The following TPD52 variants were observed in gnomAD, a reference collection of about 807,000 sequenced individuals.
TPD52 encodes the protein tumor protein D52, also known as prostate and colon associated protein.
TPD52 carries 17 observed loss-of-function variants against 31.3 expected under a neutral mutation model. The observed-to-expected ratio is 0.54, with a 90% CI of 0.37 to 0.82. The LOEUF (loss-of-function observed/expected upper bound fraction) is 0.82. Ranked by LOEUF, TPD52 falls within the 40% of genes least tolerant of loss-of-function variation. The pLI is 0.00. For synonymous variants in TPD52, 83 were observed against 89.6 expected, an observed-to-expected ratio of 0.93 and a Z score of 0.42; for missense variants, 212 against 240.1, an observed-to-expected ratio of 0.88 and a Z score of 0.77.
At chr8:80,150,434 G>A (rs1033513786) in intron 1 of TPD52, among the ~76,000 whole-genome samples, 1 of 152,220 alleles carries the variant, frequency 6.6e-6, no homozygotes, top group Non-Finnish European at 1.5e-5. Flanking sequence ...TAGTGGAGCT[G>A]TGAGAAGAGG....
At chr8:80,103,575 G>A (rs1255788953) in intron 1 of TPD52, among the ~76,000 whole-genome samples, 1 of 152,142 alleles carries the variant, frequency 6.6e-6, no homozygotes, top group Non-Finnish European at 1.5e-5. Flanking sequence ...ACATGATAAT[G>A]ACCTCTGGGA....
At chr8:80,167,371 GCGTATT>G (rs1339011039) in intron 1 of TPD52, among the ~76,000 whole-genome samples, 4 of 152,228 alleles carry the variant, frequency 2.6e-5, no homozygotes, top group African/African-American at 9.6e-5. Flanking sequence ...CTGTGAGTGA[GCGTATT>G]TGTTTTTATT....
chr8:80,080,373 G>C (rs1815125123), intron 1 of TPD52: 1 of 1,614,172 alleles, frequency 6.2e-7, no homozygotes, highest in Admixed American at 1.7e-5. Context: ...GAGACAAGTA[G>C]AGATAGCTTT....
At chr8:80,079,553 C>T (rs898990253) in intron 1 of TPD52, among the ~76,000 whole-genome samples, 21 of 152,202 alleles carry the variant, frequency 1.4e-4, no homozygotes, top group African/African-American at 4.6e-4. Context: ...GTGACCTGTT[C>T]TTCATTAATA....
intron 1 of TPD52, among the ~76,000 whole-genome samples, chr8:80,140,186 G>T (rs919065): frequency 0.028 from 4,246 of 152,214 alleles, 205 homozygotes; most frequent in African/African-American, 0.097. Flanking sequence ...CCAAGTCCTG[G>T]GTTCTCCTGA....
intron 1 of TPD52, among the ~76,000 whole-genome samples, chr8:80,138,640 T>C (rs891780907): frequency 6.6e-6 from 1 of 152,210 alleles, no homozygotes; most frequent in African/African-American, 2.4e-5. Context: ...CTCTCAAATG[T>C]TGTAACCAGA....
chr8:80,052,166 G>C (rs116584418), intron 3 of TPD52, among the ~76,000 whole-genome samples: 1 of 152,102 alleles, frequency 6.6e-6, no homozygotes, highest in Non-Finnish European at 1.5e-5. Flanking sequence ...TACCAAATAC[G>C]GACATGATGG....
chr8:80,161,712 TTATATA>T lies in TPD52; in HGVS notation c.19+9707_19+9712del, dbSNP rs1319779195. 3.6e-3 allele frequency among the ~76,000 whole-genome samples: 508 copies of T among 140,600 alleles called. 4 individuals are homozygous for T. The highest frequency in any genetic ancestry group is 0.028 in the East Asian group (139 of 4,886). The allele number at this position is 140,600 out of a possible 152,430, so 92.2% of individuals were successfully genotyped here. The stretch of plus-strand genomic sequence containing the variant: ...TCCAAAACTTTTATCAAGAACACAT[TTATATA>T]TATATATATATATATTTTTTTTTTT... On this transcript the variant is annotated intron_variant, in intron 1 of 7. Transcript: ENST00000518937.
chr8:80,135,196 G>A (rs1045785565), intron 1 of TPD52, among the ~76,000 whole-genome samples: 1 of 152,212 alleles, frequency 6.6e-6, no homozygotes, highest in Non-Finnish European at 1.5e-5. Context: ...ATGTACACAC[G>A]GTTGTTGCCA....
At chr8:80,164,617 C>T (rs1207194590) in intron 1 of TPD52, among the ~76,000 whole-genome samples, 2 of 152,188 alleles carry the variant, frequency 1.3e-5, no homozygotes, top group Non-Finnish European at 2.9e-5. Flanking sequence ...GGTATGGTGG[C>T]CCACTCCTGT....
intron 1 of TPD52, among the ~76,000 whole-genome samples, chr8:80,162,610 A>G (rs926898405): frequency 2.0e-5 from 3 of 151,484 alleles, no homozygotes; most frequent in African/African-American, 7.3e-5. Context: ...ACAAAAGAGA[A>G]AGACTCAATC....
rs1465964502 is a variant in TPD52, at chr8:80,072,796, C to CATATATAT, written c.20-8204_20-8203insATATATAT. On this transcript the variant is annotated intron_variant, in intron 1 of 7. Transcript: ENST00000518937. Reference sequence around the variant, plus strand: ...ATATATATACACATACACACACACACACATATATATATATATATAAACTTG... The same window carrying CATATATAT: ...ATATATATACACATACACACACACACATATATATACATATATATATATATATAAACTTG... 3.5e-5 allele frequency among the ~76,000 whole-genome samples: 5 copies of CATATATAT among 142,204 alleles called. 1 individual carries two copies. The highest frequency in any genetic ancestry group is 2.2e-4 in the South Asian group (1 of 4,648). The allele number at this position is 142,204 out of a possible 152,430, so 93.3% of individuals were successfully genotyped here.
intron 1 of TPD52, among the ~76,000 whole-genome samples, chr8:80,126,658 T>C (rs1397748013): frequency 6.6e-6 from 1 of 151,924 alleles, no homozygotes; most frequent in Admixed American, 6.6e-5. Flanking sequence ...ATTTTTGTAT[T>C]TTTTGGTAAA....
intron 1 of TPD52, among the ~76,000 whole-genome samples, chr8:80,136,133 A>G (rs1340476116): frequency 2.0e-5 from 3 of 148,684 alleles, no homozygotes; most frequent in Admixed American, 2.0e-4. Flanking sequence ...AAAGTATAAT[A>G]AAAAATAAAT....
chr8:80,132,303 A>G lies in TPD52; in HGVS notation c.19+39122T>C, dbSNP rs567285813. 3.3e-5 allele frequency among the ~76,000 whole-genome samples: 5 copies of G among 152,256 alleles called. No individual in the cohort carries two copies. In the South Asian group the frequency reaches 6.2e-4, roughly 19 times the overall value. The stretch of plus-strand genomic sequence containing the variant: ...TCCCTCCTCCACACCAACATAATAC[A>G]AAGGCTGGTGGCCCCAGAGAACAGC... On this transcript the variant is annotated intron_variant, in intron 1 of 7. Coordinates refer to ENST00000518937, the MANE Select transcript of TPD52 (RefSeq NM_001025253.3).
intron 1 of TPD52, chr8:80,119,764 C>T (rs920708104): frequency 1.5e-5 from 5 of 334,522 alleles, no homozygotes; most frequent in East Asian, 1.9e-4. Flanking sequence ...TGAAACAAGT[C>T]CAGAAATAGA....
At chr8:80,122,131 T>G (rs1438749189) in intron 1 of TPD52, among the ~76,000 whole-genome samples, 1 of 152,086 alleles carries the variant, frequency 6.6e-6, no homozygotes, top group South Asian at 2.1e-4. Flanking sequence ...AAAAGTTCTC[T>G]CAAGAGAACA....
intron 4 of TPD52, 133 bp from the exon 5 acceptor site, chr8:80,050,604 G>A: frequency 2.7e-6 from 2 of 736,504 alleles, no homozygotes; most frequent in Admixed American, 3.1e-5. Context: ...TCAGCATAGA[G>A]AAAATGAACA....
rs1267194701 is a variant in TPD52, at chr8:80,138,281, G to A, written c.19+33144C>T. ...TCTAATTATTTCTCAGTAGAAGTCT[G>A]CGTTAAAAGGTACCTGTGTTTGACA... On this transcript the variant is annotated intron_variant, in intron 1 of 7. Coordinates refer to ENST00000518937, the MANE Select transcript of TPD52 (RefSeq NM_001025253.3). Among the ~76,000 whole-genome samples, 10 of 152,156 alleles carry A rather than the reference G, an allele frequency of 6.6e-5. No individual in the cohort carries two copies. In the South Asian group the frequency reaches 2.1e-3, roughly 31 times the overall value.
Sources: gnomAD v4.1 joint callset for allele counts (sites outside exome capture counted in the v4.1 genomes callset) on GRCh38, gnomAD v4.1.1 for gene constraint, MANE v1.5 for transcripts, NCBI Gene and HGNC (gene_info 2026-07-23, HGNC 2026-07-21) for gene names.